Variants in PARD3B observed in about 807,000 individuals in gnomAD.
PARD3B encodes par-3 family cell polarity regulator beta, also known as partitioning defective 3 homolog B.
PARD3B carries 103 observed loss-of-function variants against 130.2 expected under a neutral mutation model. The observed-to-expected ratio is 0.79, with a 90% confidence interval of 0.67 to 0.93. The LOEUF (loss-of-function observed/expected upper bound fraction) is 0.93. Ranked by LOEUF, PARD3B falls within the 40% of genes least tolerant of loss-of-function variation. The pLI is 0.00. For missense variants in PARD3B, 1,609 were observed against 1,499.2 expected, an observed-to-expected ratio of 1.07 and a Z score of -1.21; for synonymous variants, 583 against 553.2, an observed-to-expected ratio of 1.05 and a Z score of -0.76.
rs551676597 is a variant in PARD3B, at chr2:205,179,025, C to T, written c.1924+2448C>T. Among the ~76,000 whole-genome samples the T allele has an allele frequency of 1.5e-4, 23 of 152,208 alleles. No individual in the cohort carries two copies. In the East Asian group the frequency reaches 4.4e-3, roughly 29 times the overall value. On this transcript the variant is annotated intron_variant, in intron 13 of 22. Transcript: ENST00000406610. The stretch of plus-strand genomic sequence containing the variant: ...CCTGTTACTGCCCCTGAAGACCTTC[C>T]AGTGGGATAAGATATGAAGGGGGAA...
intron 18 of PARD3B, among the ~76,000 whole-genome samples, chr2:205,314,992 C>G (rs1222551228): frequency 6.6e-6 from 1 of 152,132 alleles, no homozygotes; most frequent in African/African-American, 2.4e-5. Flanking sequence ...TTTCCACTTC[C>G]ACTGCCACCA....
Position 205,589,308 on chromosome 2 carries a change from A to G in PARD3B, c.3261-26148A>G, listed in dbSNP as rs1462487681. 6.6e-6 allele frequency among the ~76,000 whole-genome samples: 1 copy of G among 152,114 alleles called. No individual in the cohort carries two copies. The highest frequency in any genetic ancestry group is 6.5e-5 in the Admixed American group (1 of 15,268). On this transcript the variant is annotated intron_variant, in intron 22 of 22. Transcript: ENST00000406610. This position sits in a 1 kb window ranked among gnomAD's most constrained non-coding sequence, Gnocchi z 4.1. Reference sequence around the variant, plus strand: ...CCTGTCTCAATCAATCAATCAATCAATCAAATCCTGAGCCATATCACTCTT... The same window carrying G: ...CCTGTCTCAATCAATCAATCAATCAGTCAAATCCTGAGCCATATCACTCTT...
chr2:204,602,825 G>A (rs559646383), intron 1 of PARD3B, among the ~76,000 whole-genome samples: 4 of 152,156 alleles, frequency 2.6e-5, no homozygotes, highest in South Asian at 4.1e-4. Context: ...TCATTTGGTC[G>A]TTTGGATTTT....
At chr2:205,412,342 G>T (rs1461352190) in intron 19 of PARD3B, among the ~76,000 whole-genome samples, 3 of 152,200 alleles carry the variant, frequency 2.0e-5, no homozygotes, top group African/African-American at 7.2e-5. Context: ...GCTTCTCCAA[G>T]AGGTCGTGGA....
chr2:205,239,158 A>G (rs1211460639), intron 15 of PARD3B, among the ~76,000 whole-genome samples: 1 of 151,796 alleles, frequency 6.6e-6, no homozygotes, highest in Non-Finnish European at 1.5e-5. Flanking sequence ...ATACTCACAG[A>G]TGTAATTAGC....
At chr2:204,564,263 A>G (rs952743076) in intron 1 of PARD3B, among the ~76,000 whole-genome samples, 35 of 152,198 alleles carry the variant, frequency 2.3e-4, no homozygotes, top group Non-Finnish European at 7.3e-5. Context: ...GAAGAAAGCC[A>G]TAAGCAGGTG....
chr2:205,245,353 T>A (rs1483498982), intron 15 of PARD3B, among the ~76,000 whole-genome samples: 2 of 152,180 alleles, frequency 1.3e-5, no homozygotes, highest in Admixed American at 1.3e-4. Context: ...TTTACTCTAT[T>A]TTGACTAGAT....
chr2:204,728,361 G>C (rs538445717), intron 2 of PARD3B, among the ~76,000 whole-genome samples: 1 of 152,180 alleles, frequency 6.6e-6, no homozygotes, highest in South Asian at 2.1e-4. Context: ...GCTTCAGGAT[G>C]GTGTGGATCA....
rs1559220807 is a variant in PARD3B at position 205,563,668 on chromosome 2, A to G, written c.3260+10265A>G. Among the ~76,000 whole-genome samples the G allele has an allele frequency of 6.6e-6, 1 of 152,094 alleles. No homozygotes were observed. On this transcript the variant is annotated intron_variant, in intron 22 of 22. Coordinates refer to ENST00000406610, the MANE Select transcript of PARD3B (RefSeq NM_001302769.2). The surrounding 1 kb of genome is among the most constrained non-coding windows in gnomAD (Gnocchi z 4.2). ...ACGGGTTGTAAAAAAAAAAAGTAATAAAATACAAGAAAATAGTAGGGAATT... is the reference window on the plus strand; with the variant it reads ...ACGGGTTGTAAAAAAAAAAAGTAATGAAATACAAGAAAATAGTAGGGAATT...
chr2:205,087,217 G>A (rs16836906), intron 4 of PARD3B, among the ~76,000 whole-genome samples: 14,866 of 152,188 alleles, frequency 0.098, 1,144 homozygotes, highest in Admixed American at 0.25. Flanking sequence ...AAATAAAGTT[G>A]TGAACTCCCC....
At chr2:204,692,916 G>T (rs1052705106) in intron 2 of PARD3B, among the ~76,000 whole-genome samples, 6 of 152,042 alleles carry the variant, frequency 3.9e-5, no homozygotes, top group African/African-American at 1.4e-4. Context: ...TACCCAGGAA[G>T]AGGTTATAGA....
chr2:205,210,286 C>T (rs1270281004), intron 15 of PARD3B, among the ~76,000 whole-genome samples: 1 of 151,892 alleles, frequency 6.6e-6, no homozygotes, highest in Non-Finnish European at 1.5e-5. Context: ...TTTTTATTCT[C>T]TTATATACCT....
intron 1 of PARD3B, among the ~76,000 whole-genome samples, chr2:204,613,505 G>A (rs1372467686): frequency 1.3e-5 from 2 of 152,086 alleles, no homozygotes; most frequent in African/African-American, 4.8e-5. Context: ...CTATTCTCAA[G>A]ACACACAGTT....
In PARD3B at chr2:205,097,868, T is replaced by C. The variant is rs116840638; in HGVS notation, c.505-6558T>C. Among the ~76,000 whole-genome samples, 470 of 152,124 alleles carry C rather than the reference T, an allele frequency of 3.1e-3. 2 individuals are homozygous for C. Among genetic ancestry groups the C allele is most frequent in the African/African-American group, 0.011 (451 of 41,504 alleles). On this transcript the variant is annotated intron_variant, in intron 4 of 22. Transcript: ENST00000406610. ...GTGTGTGTGTGTGTGTAGTAAATTA[T>C]AGGCATATTAATTGCTAAGACTGAA...
At chr2:205,598,121 C>G (rs544971278) in intron 22 of PARD3B, among the ~76,000 whole-genome samples, 1 of 152,174 alleles carries the variant, frequency 6.6e-6, no homozygotes, top group East Asian at 1.9e-4. Flanking sequence ...CAATATTAAC[C>G]TTGAATTTAA....
At chr2:204,681,554 A>G (rs1326937895) in intron 1 of PARD3B, among the ~76,000 whole-genome samples, 1 of 152,172 alleles carries the variant, frequency 6.6e-6, no homozygotes, top group Non-Finnish European at 1.5e-5. Context: ...GCTGGTTCAT[A>G]ATAAACTGTA....
chr2:204,578,109 G>T (rs1032632069), intron 1 of PARD3B, among the ~76,000 whole-genome samples: 5 of 152,202 alleles, frequency 3.3e-5, no homozygotes, highest in African/African-American at 1.2e-4. Context: ...CCAAATGTCG[G>T]TAGTACAGAG....
chr2:204,586,998 A>G (rs991207897), intron 1 of PARD3B, among the ~76,000 whole-genome samples: 1 of 152,208 alleles, frequency 6.6e-6, no homozygotes, highest in Admixed American at 6.5e-5. Flanking sequence ...GTGGAATGCT[A>G]GATAATGGCA....
At chr2:204,961,444 A>G (rs1196040343) in intron 2 of PARD3B, among the ~76,000 whole-genome samples, 2 of 152,158 alleles carry the variant, frequency 1.3e-5, no homozygotes, top group African/African-American at 4.8e-5. Context: ...ATGAATTGCC[A>G]TTAATTGGGA....
Sources: gnomAD v4.1 joint callset for allele counts (sites outside exome capture counted in the v4.1 genomes callset) on GRCh38, gnomAD v4.1.1 for gene constraint, Gnocchi (gnomAD v3.1) non-coding constraint, MANE v1.5 for transcripts, NCBI Gene and HGNC (gene_info 2026-07-23, HGNC 2026-07-21) for gene names.